Variants in SPIRE2 observed in about 807,000 individuals in gnomAD.
The protein encoded by SPIRE2 is protein spire homolog 2.
SPIRE2 carries 76 observed loss-of-function variants against 80.7 expected under a neutral mutation model. The observed-to-expected ratio is 0.94, with a 90% confidence interval of 0.78 to 1.14. The LOEUF is 1.14. Among genes scored for constraint, SPIRE2 ranks in the 50% most tolerant of loss-of-function variants. The probability of loss-of-function intolerance (pLI) is 0.00; values close to 1 mark genes in which losing one functional copy is unlikely to be tolerated. For missense variants in SPIRE2, 1,196 were observed against 1,015.3 expected (o/e 1.18, Z -2.42); for synonymous variants, 535 against 432.6 (o/e 1.24, Z -2.94).
chr16:89,841,421 A>T (rs1382252076), intron 1 of SPIRE2, among the ~76,000 whole-genome samples: 1 of 152,158 alleles, frequency 6.6e-6, no homozygotes, highest in Non-Finnish European at 1.5e-5. Flanking sequence ...GGTGGTTTGC[A>T]TAACCCCATG....
chr16:89,861,302 G>A (rs1049045901), intron 10 of SPIRE2, among the ~76,000 whole-genome samples: 4 of 152,310 alleles, frequency 2.6e-5, no homozygotes, highest in East Asian at 1.9e-4. Flanking sequence ...GGGAGTGTGC[G>A]GCCCGTGGGC....
At chr16:89,833,008 T>A (rs1203506045) in intron 1 of SPIRE2, among the ~76,000 whole-genome samples, 13 of 101,432 alleles carry the variant, frequency 1.3e-4, no homozygotes, top group Admixed American at 2.1e-4. Flanking sequence ...TTTTTTTTTG[T>A]GAGACAGAGT....
At chr16:89,837,275 C>T (rs942065071) in intron 1 of SPIRE2, among the ~76,000 whole-genome samples, 2 of 152,124 alleles carry the variant, frequency 1.3e-5, no homozygotes, top group Admixed American at 6.6e-5. Context: ...GGCACCCCAC[C>T]CTCAGGGGAC....
intron 12 of SPIRE2, among the ~76,000 whole-genome samples, chr16:89,864,137 G>C (rs1243813250): frequency 6.6e-6 from 1 of 152,184 alleles, no homozygotes; most frequent in Non-Finnish European, 1.5e-5. Flanking sequence ...TGAAACAATG[G>C]TTTTCAAGAC....
Position 89,858,390 on chromosome 16 carries a change from C to T in SPIRE2, c.1155C>T (p.Ser385=). Residue 385 remains serine (S), a synonymous_variant, in exon 8 of 15, where the codon TCC becomes TCT. Transcript: ENST00000378247. ...ILNACSGDAK[S]TSCINLSVTD... ...ACGCCTGCTCCGGAGATGCCAAGTC[C>T]ACCTCCTGCATCAACCTGTCAGTCA... 1 of 1,612,130 alleles carries T rather than the reference C, an allele frequency of 6.2e-7. No individual in the cohort carries two copies. The highest frequency in any genetic ancestry group is 1.3e-5 in the African/African-American group (1 of 75,046).
At chr16:89,831,402 T>TC (rs1437618954) in intron 1 of SPIRE2, among the ~76,000 whole-genome samples, 9 of 147,422 alleles carry the variant, frequency 6.1e-5, no homozygotes, top group East Asian at 1.9e-4. Flanking sequence ...TTTCTTTCTT[T>TC]TTTTTTTTTT....
In SPIRE2 at chr16:89,855,616, C is replaced by G; in HGVS notation, c.908C>G (p.Pro303Arg). ...LRKVMVDGDI[P>R]PRVKKDAHEL... ...TCCCCGCAGGTGGATGGGGACATCC[C>G]GCCCCGGGTGAAGAAGGACGCTCAC... is the stretch of plus-strand genomic sequence containing the variant. Residue 303 changes from proline (P) to arginine (R), a missense_variant, in exon 6 of 15, where the codon CCG becomes CGG. Transcript: ENST00000378247. 2 of 1,612,722 alleles carry G rather than the reference C, an allele frequency of 1.2e-6. No homozygotes were observed. Among genetic ancestry groups the G allele is most frequent in the Non-Finnish European group, 1.7e-6 (2 of 1,179,922 alleles).
At chr16:89,844,662 TCTC>T (rs1478484571) in intron 1 of SPIRE2, among the ~76,000 whole-genome samples, 1 of 152,134 alleles carries the variant, frequency 6.6e-6, no homozygotes, top group African/African-American at 2.4e-5. Flanking sequence ...ATGGCCCCGA[TCTC>T]CTGACGTTGT....
intron 9 of SPIRE2, among the ~76,000 whole-genome samples, chr16:89,859,992 C>G (rs1478986959): frequency 6.6e-6 from 1 of 152,230 alleles, no homozygotes; most frequent in Non-Finnish European, 1.5e-5. Context: ...CCAGGCCAGG[C>G]CAGTTCCAAA....
At chr16:89,859,084 G>A (rs1381044749) in intron 8 of SPIRE2, 81 bp from the exon 9 acceptor site, 1 of 1,317,116 alleles carries the variant, frequency 7.6e-7, no homozygotes, top group South Asian at 1.5e-5. Flanking sequence ...GGCACCCCTG[G>A]GTCCTCTGCT....
intron 12 of SPIRE2, 64 bp from the exon 13 acceptor site, chr16:89,868,125 C>A: frequency 6.3e-7 from 1 of 1,597,540 alleles, no homozygotes; most frequent in Non-Finnish European, 8.6e-7. Context: ...CGGGATGCGA[C>A]TGTTTCTCAG....
At chr16:89,850,686 G>A (rs2041617276) in intron 3 of SPIRE2, 26 bp downstream of exon 3, 8 of 1,408,826 alleles carry the variant, frequency 5.7e-6, no homozygotes, top group Non-Finnish European at 7.4e-6. Flanking sequence ...GGGCGACCGT[G>A]GAGGGTCCGG....
chr16:89,833,161 G>A (rs2041404451), intron 1 of SPIRE2, among the ~76,000 whole-genome samples: 1 of 151,802 alleles, frequency 6.6e-6, no homozygotes, highest in Non-Finnish European at 1.5e-5. Context: ...ATGCCTTTTT[G>A]TATTTTTAGT....
intron 3 of SPIRE2, among the ~76,000 whole-genome samples, 156 bp from the exon 4 acceptor site, chr16:89,854,130 T>G (rs2041664409): frequency 6.6e-6 from 1 of 152,280 alleles, no homozygotes; most frequent in Non-Finnish European, 1.5e-5. Flanking sequence ...AGATACCTTT[T>G]CGAGTCCTAT....
In SPIRE2 at chr16:89,853,157, T is replaced by G. The variant is rs182514093; in HGVS notation, c.646-1129T>G. Among the ~76,000 whole-genome samples the G allele has an allele frequency of 1.3e-3, 193 of 152,338 alleles. 2 individuals carry two copies. The highest frequency in any genetic ancestry group is 4.4e-3 in the African/African-American group (182 of 41,582). ...CTGTTTTCTGCTGCTCAGATCAGTT[T>G]CTTACCCAGTGAAAGCTCTTTCATT... On this transcript the variant is annotated intron_variant, in intron 3 of 14. Coordinates refer to ENST00000378247, the MANE Select transcript of SPIRE2 (RefSeq NM_032451.2).
chr16:89,828,790 CG>C lies in SPIRE2; in HGVS notation c.241del (p.Ala81ArgfsTer10), dbSNP rs1166539423. On this transcript the variant is annotated frameshift_variant, in exon 1 of 15. Transcript: ENST00000378247. LOFTEE classifies it high-confidence loss of function. This position sits in a 1 kb window ranked among gnomAD's most constrained non-coding sequence, Gnocchi z 5.9. ...CGGTCGGGGCGCGGGAGCCCGAGGC[CG>C]CGGGTGAGGCCGGGGGCGGGGCAGC... The part of the protein sequence containing the change: ...GSVGAREPEA[A>X]EPATMVVPLA... 2 of 1,182,104 alleles carry C rather than the reference CG, an allele frequency of 1.7e-6. No homozygotes were observed. Among genetic ancestry groups the C allele is most frequent in the Non-Finnish European group, 1.0e-6 (1 of 956,048 alleles). The allele number at this position is 1,182,104 out of a possible 1,614,324, so 73.2% of individuals were successfully genotyped here.
intron 1 of SPIRE2, among the ~76,000 whole-genome samples, chr16:89,830,652 G>A (rs4785726): frequency 1 from 150,698 of 151,034 alleles, 75,198 homozygotes; most frequent in Middle Eastern, 1. Context: ...TCAGTTTTTT[G>A]CTCCAGTTGA....
chr16:89,856,033 G>T (rs1271057836), intron 6 of SPIRE2, 80 bp from the exon 7 acceptor site: 12 of 1,568,286 alleles, frequency 7.7e-6, no homozygotes, highest in Non-Finnish European at 1.0e-5. Context: ...CCCACCACAG[G>T]TCCCGCTTCC....
chr16:89,848,297 C>T (rs946540413), intron 2 of SPIRE2, among the ~76,000 whole-genome samples: 8 of 152,228 alleles, frequency 5.3e-5, no homozygotes, highest in African/African-American at 1.7e-4. Context: ...GCTGCTGCAG[C>T]GCCCTCTGAC....
Sources: allele counts gnomAD v4.1 joint callset (sites outside exome capture counted in the v4.1 genomes callset), GRCh38; gene constraint gnomAD v4.1.1; non-coding constraint Gnocchi (gnomAD v3.1); transcripts MANE v1.5; gene names NCBI Gene and HGNC (gene_info 2026-07-23, HGNC 2026-07-21).